PEPD: variants seen among roughly 807,000 people sequenced by gnomAD.
PEPD encodes the protein peptidase D.
A neutral mutation model predicts 60.7 loss-of-function variants in PEPD; 53 were observed. The observed-to-expected ratio is 0.87, with a 90% CI of 0.70 to 1.10. The LOEUF is 1.10. Among genes scored for constraint, PEPD ranks in the 50% least tolerant of loss-of-function variants. The pLI is 0.00. For missense variants in PEPD, 711 were observed against 711.9 expected, an observed-to-expected ratio of 1.00 and a Z score of 0.01; for synonymous variants, 267 against 284.1, an observed-to-expected ratio of 0.94 and a Z score of 0.60.
chr19:33,424,317 A>C (rs1478604995), intron 9 of PEPD, among the ~76,000 whole-genome samples: 1 of 152,266 alleles, frequency 6.6e-6, no homozygotes, highest in Non-Finnish European at 1.5e-5. Context: ...ACCCGCCTTG[A>C]GGGAAATTCG....
rs374014841 is a variant in PEPD at position 33,512,770 on chromosome 19, C to A, written c.24G>T (p.Ser8=). 1 of 1,613,910 alleles carries A rather than the reference C, an allele frequency of 6.2e-7. No homozygotes were observed. The highest frequency in any genetic ancestry group is 8.5e-7 in the Non-Finnish European group (1 of 1,179,992). Residue 8 remains serine, a synonymous_variant, in exon 2 of 15, where the codon TCG becomes TCT. Transcript: ENST00000244137. ...TCAGGGTTTCATTCCCCAGCCAAAA[C>A]GAGGGTCTGCAGAGGCAAGAGCACA... is the stretch of plus-strand genomic sequence containing the variant. The part of the protein sequence containing the change: MAAATGP[S]FWLGNETLKV...
chr19:33,387,442 T>C lies in PEPD; in HGVS notation c.1384A>G (p.Ile462Val), dbSNP rs1968099707. 6.2e-7 allele frequency: 1 copy of C among 1,613,992 alleles called. No individual in the cohort carries two copies. Among genetic ancestry groups the C allele is most frequent in the South Asian group, 1.1e-5 (1 of 91,088 alleles). The change falls in exon 15 of 15, where the codon ATA (isoleucine) becomes GTA (valine). Residue 462 changes from isoleucine to valine, a missense_variant. By Grantham distance (29) the Ile-to-Val change is conservative. Transcript: ENST00000244137. ...EEDVVVTDSG[I>V]ELLTCVPRTV... is the part of the protein sequence containing the mutation. The stretch of plus-strand genomic sequence containing the variant: ...CGGGGCACGCAGGTCAGCAGCTCTA[T>C]GCCGCTGTCAGTCACCACGACGTCC...
At chr19:33,519,501 T>C (rs1971089947) in intron 1 of PEPD, among the ~76,000 whole-genome samples, 1 of 152,218 alleles carries the variant, frequency 6.6e-6, no homozygotes, top group Admixed American at 6.5e-5. Context: ...CCTGACTCTA[T>C]GATCTGTTCT....
chr19:33,417,593 G>C (rs189593212), intron 9 of PEPD, among the ~76,000 whole-genome samples: 1 of 152,140 alleles, frequency 6.6e-6, no homozygotes, highest in East Asian at 1.9e-4. Context: ...CTCCCTCCCA[G>C]GGCTGCTATG....
chr19:33,449,377 A>G (rs535329318), intron 9 of PEPD, among the ~76,000 whole-genome samples: 1 of 152,340 alleles, frequency 6.6e-6, no homozygotes, highest in South Asian at 2.1e-4. Context: ...AAAGAGCCAG[A>G]GAGGTCTCCT....
intron 12 of PEPD, among the ~76,000 whole-genome samples, chr19:33,399,326 C>A (rs535126015): frequency 6.6e-5 from 10 of 152,332 alleles, no homozygotes; most frequent in African/African-American, 2.4e-4. Context: ...TGCTGTTTTC[C>A]TCGGCAGCTG....
chr19:33,493,260 C>T lies in PEPD; in HGVS notation c.441+30G>A, dbSNP rs201635988. Reference sequence around the variant, plus strand: ...TAAAAACCCTCCCCAGAGCCAAGCACTGCCCCACCCCTGGACACCAGCCAC... The same window carrying T: ...TAAAAACCCTCCCCAGAGCCAAGCATTGCCCCACCCCTGGACACCAGCCAC... On this transcript the variant is annotated intron_variant, in intron 5 of 14. Coordinates refer to ENST00000244137, the MANE Select transcript of PEPD (RefSeq NM_000285.4). 52 of 1,564,436 alleles carry T rather than the reference C, an allele frequency of 3.3e-5. No individual in the cohort carries two copies. In the East Asian group the frequency reaches 6.5e-4, roughly 20 times the overall value.
rs558187092 is a variant in PEPD, at chr19:33,408,657, C to T, written c.818+3015G>A. ...AGCTAAAATATCTCTGGGGTGTCTT[C>T]CCCCAGTCAAAGGACTAAAACCCAG... is the stretch of plus-strand genomic sequence containing the variant. On this transcript the variant is annotated intron_variant, in intron 11 of 14. Coordinates refer to ENST00000244137, the MANE Select transcript of PEPD (RefSeq NM_000285.4). Among the ~76,000 whole-genome samples, 4 of 152,286 alleles carry T rather than the reference C, an allele frequency of 2.6e-5. No homozygotes were observed. The East Asian group carries it at 7.7e-4, about 29-fold the overall frequency.
chr19:33,455,708 T>A (rs1600129731), intron 9 of PEPD, among the ~76,000 whole-genome samples: 1 of 137,576 alleles, frequency 7.3e-6, no homozygotes, highest in Non-Finnish European at 1.5e-5. Context: ...GAGGCAGAGG[T>A]CTCCTATGTT....
In PEPD at chr19:33,505,647, AAACACACAACACAC is replaced by A. The variant is rs571675478; in HGVS notation, c.330-4660_330-4647del. Among the ~76,000 whole-genome samples, 5 of 151,764 alleles carry A rather than the reference AAACACACAACACAC, an allele frequency of 3.3e-5. No individual in the cohort carries two copies. In the East Asian group the frequency reaches 7.7e-4, roughly 23 times the overall value. On this transcript the variant is annotated intron_variant, in intron 3 of 14. Coordinates refer to ENST00000244137, the MANE Select transcript of PEPD (RefSeq NM_000285.4). ...ACACTTAGTGGGGCAGAGCTGGGAA[AAACACACAACACAC>A]AACACACAACACACCCTCATCACAA...
intron 9 of PEPD, among the ~76,000 whole-genome samples, chr19:33,462,432 G>A (rs895261339): frequency 2.0e-5 from 3 of 152,204 alleles, no homozygotes; most frequent in Non-Finnish European, 2.9e-5. Flanking sequence ...ACCATGGGTG[G>A]CAGCACACTG....
chr19:33,437,483 G>A (rs1273465327), intron 9 of PEPD, among the ~76,000 whole-genome samples: 3 of 151,778 alleles, frequency 2.0e-5, no homozygotes, highest in Non-Finnish European at 4.4e-5. Flanking sequence ...ACAGCCAGAG[G>A]AGACACGGGG....
chr19:33,502,958 G>GGC (rs1970738748), intron 3 of PEPD, among the ~76,000 whole-genome samples: 1 of 140,732 alleles, frequency 7.1e-6, no homozygotes, highest in African/African-American at 2.6e-5. Context: ...GGGGCGGGGG[G>GGC]GGGTGTTGTG....
At position 33,512,768 on chromosome 19, in the gene PEPD, A is replaced by T. The variant is rs1970953777; in HGVS notation, c.26T>A (p.Phe9Tyr). Reference sequence around the variant, plus strand: ...CTTCAGGGTTTCATTCCCCAGCCAAAACGAGGGTCTGCAGAGGCAAGAGCA... The same window carrying T: ...CTTCAGGGTTTCATTCCCCAGCCAATACGAGGGTCTGCAGAGGCAAGAGCA... MAAATGPS[F>Y]WLGNETLKVP... The change falls in exon 2 of 15, where the codon TTT becomes TAT. Residue 9 changes from phenylalanine to tyrosine, a missense_variant. Coordinates refer to ENST00000244137, the MANE Select transcript of PEPD (RefSeq NM_000285.4). The T allele has an allele frequency of 6.2e-7, 1 of 1,613,878 alleles. No individual in the cohort carries two copies. Among genetic ancestry groups the T allele is most frequent in the African/African-American group, 1.3e-5 (1 of 74,912 alleles).
chr19:33,424,830 A>G (rs1969106140), intron 9 of PEPD, among the ~76,000 whole-genome samples: 1 of 152,150 alleles, frequency 6.6e-6, no homozygotes, highest in Non-Finnish European at 1.5e-5. Flanking sequence ...GGTGGCAGGG[A>G]AGAGAGAAAA....
chr19:33,425,433 G>C (rs1250153705), intron 9 of PEPD, among the ~76,000 whole-genome samples: 1 of 152,204 alleles, frequency 6.6e-6, no homozygotes, highest in Non-Finnish European at 1.5e-5. Context: ...GAAGGTGTGG[G>C]GGAAGCAAGC....
intron 3 of PEPD, among the ~76,000 whole-genome samples, chr19:33,505,877 AACACCCTACACACTACTTAC>A (rs2145343252): frequency 7.7e-6 from 1 of 129,826 alleles, no homozygotes; most frequent in African/African-American, 2.6e-5. Flanking sequence ...CCCCATCACA[AACACCCTACACACTACTTAC>A]ACACCCACAC....
At chr19:33,399,229 T>C (rs1054846508) in intron 12 of PEPD, among the ~76,000 whole-genome samples, 2 of 152,166 alleles carry the variant, frequency 1.3e-5, no homozygotes, top group Non-Finnish European at 2.9e-5. Flanking sequence ...CCTCAAGTGA[T>C]CCGCCCGCCT....
intron 9 of PEPD, among the ~76,000 whole-genome samples, chr19:33,452,879 A>C (rs752474176): frequency 6.6e-6 from 1 of 152,254 alleles, no homozygotes; most frequent in Non-Finnish European, 1.5e-5. Context: ...TATGCTTTCC[A>C]AGTTGTTTCA....
Sources: allele counts gnomAD v4.1 joint callset (sites outside exome capture counted in the v4.1 genomes callset), GRCh38; gene constraint gnomAD v4.1.1; transcripts MANE v1.5; gene names NCBI Gene and HGNC (gene_info 2026-07-23, HGNC 2026-07-21).